USE1: variants seen among roughly 807,000 people sequenced by gnomAD.
USE1 encodes vesicle transport protein USE1.
Under a neutral mutation model 37.6 loss-of-function variants are expected in USE1, and 32 were observed. The ratio of observed to expected loss-of-function variants is 0.85; its 90% confidence interval spans 0.64 to 1.14. USE1 has a LOEUF of 1.14. Among genes scored for constraint, USE1 ranks in the 50% most tolerant of loss-of-function variants. USE1 has a pLI of 0.00. For missense variants in USE1, 310 were observed against 332.2 expected (o/e 0.93, Z 0.52); for synonymous variants, 149 against 137.6 (o/e 1.08, Z -0.58).
Position 17,215,867 on chromosome 19 carries a change from C to T in USE1, c.152+16C>T. On this transcript the variant is annotated intron_variant, in intron 2 of 7. Coordinates refer to ENST00000263897, the MANE Select transcript of USE1 (RefSeq NM_018467.4). Reference sequence around the variant, plus strand: ...TCCACGCGAGGTGAGTGCAGGCAGCCTCAGGGCTTTCACATCAGCACGTGG... The same window carrying T: ...TCCACGCGAGGTGAGTGCAGGCAGCTTCAGGGCTTTCACATCAGCACGTGG... The T allele has an allele frequency of 6.2e-7, 1 of 1,604,514 alleles. No homozygotes were observed. Among genetic ancestry groups the T allele is most frequent in the African/African-American group, 1.3e-5 (1 of 74,860 alleles).
intron 5 of USE1, chr19:17,217,930 A>C: frequency 2.9e-6 from 1 of 349,504 alleles, no homozygotes; most frequent in Non-Finnish European, 5.6e-6. Flanking sequence ...AAAAAGCAAA[A>C]AAATTAGCCA....
Position 17,219,728 on chromosome 19 carries a change from G to C in USE1, c.695G>C (p.Trp232Ser), listed in dbSNP as rs759951373. ...LEQHTQKSVN[W>S]LLWAMLIIVC... is the part of the protein sequence containing the mutation. ...CAGCACACGCAGAAGTCAGTCAACT[G>C]GCTGCTCTGGGCCATGCTCATTATC... Residue 232 changes from tryptophan (W) to serine (S), a missense_variant, in exon 8 of 8, where the codon TGG (tryptophan) becomes TCG (serine). Physicochemically the swap from Trp to Ser is radical, Grantham distance 177. Transcript: ENST00000263897. 1 of 1,613,384 alleles carries C rather than the reference G, an allele frequency of 6.2e-7. No individual in the cohort carries two copies. Among genetic ancestry groups the C allele is most frequent in the Non-Finnish European group, 8.5e-7 (1 of 1,179,482 alleles).
chr19:17,215,433 C>T lies in USE1; in HGVS notation c.28C>T (p.Leu10=). The change falls in exon 1 of 8, where the codon CTG becomes TTG. Residue 10 remains leucine (L), a synonymous_variant. Transcript: ENST00000263897. Reference sequence around the variant, plus strand: ...GGCGGCGTCGAGGCTGGAGCTAAACCTGGTGCGGCTGCTATCCCGCTGCGA... The same window carrying T: ...GGCGGCGTCGAGGCTGGAGCTAAACTTGGTGCGGCTGCTATCCCGCTGCGA... MAASRLELN[L]VRLLSRCEAM... is the part of the protein sequence containing the mutation. The T allele has an allele frequency of 1.3e-6, 2 of 1,562,090 alleles. No individual in the cohort carries two copies. Among genetic ancestry groups the T allele is most frequent in the Admixed American group, 1.9e-5 (1 of 52,026 alleles).
In USE1 at chr19:17,219,198, C is replaced by T. The variant is rs200456995; in HGVS notation, c.423-15C>T. ...TCCATCTCTCATGTCCTCCTCCCCC[C>T]GTGTGTGAAATCAGTGGAGTGGCAG... On this transcript the variant is annotated splice_polypyrimidine_tract_variant and intron_variant, in intron 6 of 7. Transcript: ENST00000263897. 44 of 1,607,864 alleles carry T rather than the reference C, an allele frequency of 2.7e-5. No individual in the cohort carries two copies. Among genetic ancestry groups the T allele is most frequent in the South Asian group, 2.0e-4 (18 of 90,840 alleles).
intron 2 of USE1, 37 bp from the exon 3 acceptor site, chr19:17,215,955 A>G (rs2073287375): frequency 6.3e-7 from 1 of 1,584,770 alleles, no homozygotes. Context: ...GCTGGGGACC[A>G]TGGACAGGTT....
Position 17,215,464 on chromosome 19 carries a change from T to C in USE1, c.59T>C (p.Met20Thr). 6.4e-7 allele frequency: 1 copy of C among 1,564,376 alleles called. No individual in the cohort carries two copies. The highest frequency in any genetic ancestry group is 8.6e-7 in the Non-Finnish European group (1 of 1,156,144). Residue 20 changes from methionine to threonine, a missense_variant, in exon 1 of 8, where the codon ATG becomes ACG. Met to Thr is a moderately conservative substitution (Grantham distance 81). Transcript: ENST00000263897. ...CGGCTGCTATCCCGCTGCGAGGCGA[T>C]GGCAGCGGAGAAACGGGACCCGGAC... ...LVRLLSRCEA[M>T]AAEKRDPDEW...
chr19:17,216,388 G>A, intron 4 of USE1, 67 bp downstream of exon 4: 4 of 1,573,410 alleles, frequency 2.5e-6, no homozygotes, highest in Non-Finnish European at 2.6e-6. Context: ...CTTGTAGGCA[G>A]CCAGAACCAC....
intron 3 of USE1, 40 bp downstream of exon 3, chr19:17,216,110 G>A (rs368079868): frequency 4.6e-5 from 74 of 1,613,232 alleles, no homozygotes; most frequent in Non-Finnish European, 3.4e-5. Context: ...CCCCATCACC[G>A]CTCACTTTGG....
Position 17,218,104 on chromosome 19 carries a change from AT to A in USE1, c.395-254del, listed in dbSNP as rs2073301671. On this transcript the variant is annotated intron_variant, in intron 5 of 7. Coordinates refer to ENST00000263897, the MANE Select transcript of USE1 (RefSeq NM_018467.4). ...GTCTCAAAAATAAGCAAATAAATAAATTTTTTAAAGCTAGGCACTCCCAGCC... is the reference window on the plus strand; with the variant it reads ...GTCTCAAAAATAAGCAAATAAATAAATTTTTAAAGCTAGGCACTCCCAGCC... 5 of 455,274 alleles carry A rather than the reference AT, an allele frequency of 1.1e-5. No homozygotes were observed. The South Asian group carries it at 1.2e-4, about 11-fold the overall frequency. 28.2% of individuals were successfully genotyped at this position (455,274 alleles called of 1,614,324 possible).
chr19:17,219,683 C>T lies in USE1; in HGVS notation c.650C>T (p.Thr217Met), dbSNP rs201057224. Reference sequence around the variant, plus strand: ...GACCAGAACCTGGAGAAACTGAAGACGGAGTCAGAGCGTCTGGAGCAGCAC... The same window carrying T: ...GACCAGAACCTGGAGAAACTGAAGATGGAGTCAGAGCGTCTGGAGCAGCAC... ...MADQNLEKLK[T>M]ESERLEQHTQ... The change falls in exon 8 of 8, where the codon ACG becomes ATG. Residue 217 changes from threonine (T) to methionine (M), a missense_variant. Physicochemically the swap from Thr to Met is moderately conservative, Grantham distance 81. Transcript: ENST00000263897. The T allele has an allele frequency of 3.2e-4, 522 of 1,612,280 alleles. 4 individuals are homozygous for T. In the Middle Eastern group the frequency reaches 0.012, roughly 36 times the overall value.
chr19:17,218,284 A>G (rs1441406919), intron 5 of USE1, 80 bp from the exon 6 acceptor site: 14 of 1,590,878 alleles, frequency 8.8e-6, no homozygotes, highest in Non-Finnish European at 1.2e-5. Flanking sequence ...CAAGCAGTAG[A>G]CCCAGCACAG....
At chr19:17,219,443 C>T (rs2073311934) in intron 7 of USE1, 56 bp downstream of exon 7, 2 of 1,505,420 alleles carry the variant, frequency 1.3e-6, no homozygotes, top group Non-Finnish European at 1.8e-6. Flanking sequence ...GAGAAGGCTT[C>T]CCAGCACAGG....
intron 7 of USE1, 80 bp from the exon 8 acceptor site, chr19:17,219,551 G>A (rs2073312515): frequency 1.3e-6 from 2 of 1,495,964 alleles, no homozygotes; most frequent in Admixed American, 2.2e-5. Flanking sequence ...GCGACAAGAG[G>A]TGCAGGCCAG....
Position 17,218,343 on chromosome 19 carries a change from C to T in USE1, c.395-21C>T. 5 of 1,613,354 alleles carry T rather than the reference C, an allele frequency of 3.1e-6. No individual in the cohort carries two copies. The South Asian group carries it at 4.4e-5, about 14-fold the overall frequency. On this transcript the variant is annotated intron_variant, in intron 5 of 7. Transcript: ENST00000263897. ...GGGAAACCAACACTCGCCTTTTTTG[C>T]TTGGCCTGTTTTGCTTTCAGAGCCT... is the stretch of plus-strand genomic sequence containing the variant.
intron 1 of USE1, 93 bp downstream of exon 1, chr19:17,215,600 A>AG (rs2073283787): frequency 6.9e-7 from 1 of 1,453,830 alleles, no homozygotes; most frequent in South Asian, 1.3e-5. Context: ...CGGCCCCAGT[A>AG]GCCTCTCGGG....
chr19:17,218,217 T>A (rs1599440255), intron 5 of USE1, 147 bp from the exon 6 acceptor site: 2 of 989,858 alleles, frequency 2.0e-6, no homozygotes, highest in East Asian at 2.8e-5. Context: ...GAAGAGGGGG[T>A]ATTCAAGCAT....
chr19:17,216,041 CT>C lies in USE1; in HGVS notation c.203del (p.Leu68ArgfsTer10). 6.2e-7 allele frequency: 1 copy of C among 1,611,402 alleles called. No homozygotes were observed. The highest frequency in any genetic ancestry group is 1.1e-5 in the South Asian group (1 of 90,748). ...TGAATATTCCTGGAAGGTGGATTTT[CT>C]GAAGGGGATGCTGCAAGCCGAGAAG... The part of the protein sequence containing the change: ...INEYSWKVDF[L>X]KGMLQAEKLT... On this transcript the variant is annotated frameshift_variant, in exon 3 of 8. Transcript: ENST00000263897. LOFTEE classifies it high-confidence loss of function.
At chr19:17,218,013 G>C (rs2145545764) in intron 5 of USE1, 1 of 354,412 alleles carries the variant, frequency 2.8e-6, no homozygotes, top group East Asian at 7.1e-5. Flanking sequence ...GAGCCTGGGA[G>C]GTAGAGGTTG....
intron 4 of USE1, among the ~76,000 whole-genome samples, chr19:17,216,813 T>C (rs537567719): frequency 2.0e-5 from 3 of 152,104 alleles, no homozygotes; most frequent in African/African-American, 7.2e-5. Context: ...ACCCCGTCTT[T>C]AGTAAAAATA....
Sources: allele counts gnomAD v4.1 joint callset (sites outside exome capture counted in the v4.1 genomes callset), GRCh38; gene constraint gnomAD v4.1.1; transcripts MANE v1.5; gene names NCBI Gene and HGNC (gene_info 2026-07-23, HGNC 2026-07-21).